GRB14: variants seen among roughly 807,000 people sequenced by gnomAD.
GRB14 encodes the protein growth factor receptor-bound protein 14.
Under a neutral mutation model 69.1 loss-of-function variants are expected in GRB14, and 38 were observed. That is an observed-to-expected ratio of 0.55 (90% CI 0.42 to 0.72). The LOEUF (loss-of-function observed/expected upper bound fraction) is 0.72, where lower values mean the gene tolerates loss of function less well. Ranked by LOEUF, GRB14 falls within the 30% of genes least tolerant of loss-of-function variation. The pLI, the probability that GRB14 is intolerant of heterozygous loss-of-function variation, is 0.00. For synonymous variants in GRB14, 247 were observed against 241.3 expected, an observed-to-expected ratio of 1.02 and a Z score of -0.22; for missense variants, 666 against 666.1, an observed-to-expected ratio of 1.00 and a Z score of 0.00.
At chr2:164,553,704 C>T (rs1489648355) in intron 2 of GRB14, among the ~76,000 whole-genome samples, 2 of 152,152 alleles carry the variant, frequency 1.3e-5, no homozygotes, top group African/African-American at 2.4e-5. Context: ...GTGGCTCACA[C>T]CTGTAATCCC....
chr2:164,522,682 CTT>C (rs1205668805), intron 5 of GRB14, among the ~76,000 whole-genome samples: 1 of 152,058 alleles, frequency 6.6e-6, no homozygotes, highest in Non-Finnish European at 1.5e-5. Context: ...AAAACTATCT[CTT>C]CTTTGTCATC....
At chr2:164,556,628 C>T (rs1057472223) in intron 2 of GRB14, among the ~76,000 whole-genome samples, 1 of 152,120 alleles carries the variant, frequency 6.6e-6, no homozygotes, top group East Asian at 1.9e-4. Context: ...GCTTAGAACA[C>T]GGTTTCCCTA....
chr2:164,517,815 C>T (rs1259013710), intron 6 of GRB14, among the ~76,000 whole-genome samples: 4 of 152,018 alleles, frequency 2.6e-5, no homozygotes, highest in Admixed American at 2.6e-4. Flanking sequence ...AGGAAAAAAT[C>T]ACAATCCTAA....
intron 2 of GRB14, among the ~76,000 whole-genome samples, chr2:164,614,543 C>A (rs1690240699): frequency 1.3e-5 from 2 of 152,058 alleles, no homozygotes; most frequent in Admixed American, 1.3e-4. Flanking sequence ...AAAGAAAATT[C>A]ATTTTTCAGA....
At chr2:164,612,458 T>C (rs924500944) in intron 2 of GRB14, among the ~76,000 whole-genome samples, 1 of 152,222 alleles carries the variant, frequency 6.6e-6, no homozygotes, top group Non-Finnish European at 1.5e-5. Context: ...CTCTTCTAAA[T>C]TAATCCTGAA....
chr2:164,495,545 C>T (rs1381872802), intron 12 of GRB14, among the ~76,000 whole-genome samples: 1 of 152,154 alleles, frequency 6.6e-6, no homozygotes, highest in African/African-American at 2.4e-5. Flanking sequence ...TATTCACTGG[C>T]AGTGCAATGC....
At chr2:164,566,050 G>A (rs1272709041) in intron 2 of GRB14, among the ~76,000 whole-genome samples, 1 of 152,102 alleles carries the variant, frequency 6.6e-6, no homozygotes, top group Non-Finnish European at 1.5e-5. Flanking sequence ...TATTTGTCAA[G>A]GGCCACTCAT....
At position 164,497,074 on chromosome 2, in the gene GRB14, C is replaced by G; in HGVS notation, c.1316G>C (p.Trp439Ser). Residue 439 changes from tryptophan (W) to serine (S), a missense_variant, in exon 12 of 14, where the codon TGG becomes TCG. Physicochemically the swap from Trp to Ser is radical, Grantham distance 177. Coordinates refer to ENST00000263915, the MANE Select transcript of GRB14 (RefSeq NM_004490.3). ...ATCTCTAGAAATTTTGTGGTGAAAC[C>G]ATGGCTGGGACCGGTGGATAGCTAA... is the stretch of plus-strand genomic sequence containing the variant. ...TNMAIHRSQP[W>S]FHHKISRDEA... The G allele has an allele frequency of 6.2e-7, 1 of 1,613,884 alleles. No homozygotes were observed. The highest frequency in any genetic ancestry group is 8.5e-7 in the Non-Finnish European group (1 of 1,179,854).
intron 2 of GRB14, among the ~76,000 whole-genome samples, chr2:164,595,974 A>C (rs754068878): frequency 6.6e-6 from 1 of 152,112 alleles, no homozygotes; most frequent in Non-Finnish European, 1.5e-5. Context: ...AAATACAAAA[A>C]CTAGCTGTGC....
rs191949346 is a variant in GRB14, at chr2:164,535,500, T to A, written c.482-8365A>T. On this transcript the variant is annotated intron_variant, in intron 3 of 13. Transcript: ENST00000263915. ...GAGTCCCTACTCTTCTCTCACTTGA[T>A]AAGAGAAGAAACAAAAGTGGCTTTT... Among the ~76,000 whole-genome samples the A allele has an allele frequency of 1.6e-3, 251 of 152,296 alleles. 1 individual carries two copies. Among genetic ancestry groups the A allele is most frequent in the Non-Finnish European group, 2.8e-3 (189 of 68,022 alleles).
chr2:164,558,186 T>C (rs550896020), intron 2 of GRB14, among the ~76,000 whole-genome samples: 2 of 152,296 alleles, frequency 1.3e-5, no homozygotes, highest in South Asian at 4.1e-4. Context: ...CTGCTCTCCT[T>C]GTCTCAGGCC....
chr2:164,558,874 G>C (rs186322741), intron 2 of GRB14, among the ~76,000 whole-genome samples: 28 of 152,310 alleles, frequency 1.8e-4, no homozygotes, highest in Admixed American at 1.8e-3. Context: ...CTGTTTGCTA[G>C]AGCCCAAGAC....
chr2:164,581,223 T>G (rs1431092038), intron 2 of GRB14, among the ~76,000 whole-genome samples: 3 of 152,138 alleles, frequency 2.0e-5, no homozygotes, highest in Non-Finnish European at 4.4e-5. Context: ...GCTGAATAAT[T>G]CCCCCGCCTT....
intron 2 of GRB14, among the ~76,000 whole-genome samples, chr2:164,581,963 T>C (rs2892923): frequency 0.16 from 25,091 of 152,222 alleles, 4,980 homozygotes; most frequent in African/African-American, 0.47. Context: ...CAGCATCATA[T>C]TGGCATTCTT....
chr2:164,524,184 T>G (rs1278874829), intron 5 of GRB14, among the ~76,000 whole-genome samples: 2 of 152,118 alleles, frequency 1.3e-5, no homozygotes, highest in African/African-American at 4.8e-5. Context: ...TATTAAAAGT[T>G]GTCTTCATTA....
At chr2:164,576,693 T>G (rs1689260247) in intron 2 of GRB14, among the ~76,000 whole-genome samples, 1 of 151,648 alleles carries the variant, frequency 6.6e-6, no homozygotes. Flanking sequence ...CTCTAATTCA[T>G]AAGCTTAAAT....
At chr2:164,503,019 G>C (rs1178420590) in intron 8 of GRB14, among the ~76,000 whole-genome samples, 1 of 151,936 alleles carries the variant, frequency 6.6e-6, no homozygotes, top group Admixed American at 6.6e-5. Flanking sequence ...GATTGAGCTG[G>C]CAGGACAGAA....
chr2:164,531,295 C>G (rs1221308004), intron 3 of GRB14, among the ~76,000 whole-genome samples: 1 of 152,192 alleles, frequency 6.6e-6, no homozygotes, highest in Non-Finnish European at 1.5e-5. Context: ...GATTATGAAA[C>G]ACAGGTACAC....
chr2:164,539,094 C>A (rs1688163605), intron 3 of GRB14, among the ~76,000 whole-genome samples: 2 of 152,132 alleles, frequency 1.3e-5, no homozygotes, highest in Admixed American at 6.6e-5. Context: ...GAATCTAGAT[C>A]TTTGTATTCC....
Sources: allele counts gnomAD v4.1 joint callset (sites outside exome capture counted in the v4.1 genomes callset), GRCh38; gene constraint gnomAD v4.1.1; transcripts MANE v1.5; gene names NCBI Gene and HGNC (gene_info 2026-07-23, HGNC 2026-07-21).